Variants in LMTK2 observed in about 807,000 individuals in gnomAD.
LMTK2 encodes the protein lemur tail kinase 2, also known as serine/threonine-protein kinase LMTK2.
LMTK2 carries 37 observed loss-of-function variants against 127.5 expected under a neutral mutation model. The ratio of observed to expected loss-of-function variants is 0.29; its 90% confidence interval spans 0.22 to 0.38. The LOEUF (loss-of-function observed/expected upper bound fraction) is 0.38. LMTK2 is among the 10% of genes least tolerant of loss of function. The pLI is 1.00. For missense variants in LMTK2, 1,694 were observed against 1,920.3 expected (o/e 0.88, Z 2.20); for synonymous variants, 819 against 810.1 (o/e 1.01, Z -0.19).
chr7:98,159,739 G>A (rs965723896), intron 6 of LMTK2, among the ~76,000 whole-genome samples: 2 of 152,166 alleles, frequency 1.3e-5, no homozygotes, highest in African/African-American at 4.8e-5. Flanking sequence ...GATCAAGTGT[G>A]TAGCACAGCC....
intron 2 of LMTK2, among the ~76,000 whole-genome samples, chr7:98,140,454 A>T (rs1361315862): frequency 6.6e-6 from 1 of 152,058 alleles, no homozygotes; most frequent in Non-Finnish European, 1.5e-5. Context: ...GCCTGCCTGC[A>T]TCCTCAGTTG....
intron 1 of LMTK2, among the ~76,000 whole-genome samples, chr7:98,114,876 G>A (rs1002715375): frequency 2.0e-5 from 3 of 151,902 alleles, no homozygotes; most frequent in African/African-American, 7.3e-5. Flanking sequence ...CCTCTTTGCG[G>A]ACCCACCTTC....
At chr7:98,158,645 T>C (rs1218258601) in intron 5 of LMTK2, among the ~76,000 whole-genome samples, 1 of 152,024 alleles carries the variant, frequency 6.6e-6, no homozygotes, top group Non-Finnish European at 1.5e-5. Flanking sequence ...TATAACAGTT[T>C]TTTACATAGC....
chr7:98,117,851 C>T (rs1796308973), intron 1 of LMTK2, among the ~76,000 whole-genome samples: 2 of 152,090 alleles, frequency 1.3e-5, no homozygotes, highest in African/African-American at 2.4e-5. Flanking sequence ...CCTGTAATCC[C>T]AGCTACTCGG....
chr7:98,193,531 G>GC lies in LMTK2; in HGVS notation c.3072dup (p.Asp1025ArgfsTer2), dbSNP rs771256120. Reference sequence around the variant, plus strand: ...GATCTCACACTCCCCAGAAACTAGTGCCCCCCGATAAGCCGGCAGACAGTG... The same window carrying GC: ...GATCTCACACTCCCCAGAAACTAGTGCCCCCCCGATAAGCCGGCAGACAGTG... On this transcript the variant is annotated frameshift_variant, in exon 11 of 14. Coordinates refer to ENST00000297293, the MANE Select transcript of LMTK2 (RefSeq NM_014916.4). LOFTEE classifies it high-confidence loss of function. The surrounding 1 kb of genome is among the most constrained non-coding windows in gnomAD (Gnocchi z 4.1). The GC allele has an allele frequency of 6.2e-7, 1 of 1,614,098 alleles. No homozygotes were observed.
intron 11 of LMTK2, among the ~76,000 whole-genome samples, chr7:98,196,610 C>T (rs140247306): frequency 5.9e-5 from 9 of 152,286 alleles, no homozygotes; most frequent in Admixed American, 3.9e-4. Flanking sequence ...GTGAGAGGGA[C>T]GCAGTCCCAG....
intron 1 of LMTK2, among the ~76,000 whole-genome samples, chr7:98,131,303 AAAT>A (rs1460381114): frequency 6.6e-6 from 1 of 152,246 alleles, no homozygotes; most frequent in Non-Finnish European, 1.5e-5. Flanking sequence ...ATCATGATTC[AAAT>A]AACATCCATA....
chr7:98,140,518 G>A (rs1796680735), intron 2 of LMTK2, among the ~76,000 whole-genome samples: 1 of 151,972 alleles, frequency 6.6e-6, no homozygotes, highest in Non-Finnish European at 1.5e-5. Flanking sequence ...TTACACTTAT[G>A]CGTCACATGG....
At chr7:98,179,045 GCTTC>G (rs1797313729) in intron 7 of LMTK2, among the ~76,000 whole-genome samples, 1 of 152,204 alleles carries the variant, frequency 6.6e-6, no homozygotes, top group Non-Finnish European at 1.5e-5. Context: ...GCCACTGTTT[GCTTC>G]CTCACCACCT....
intron 2 of LMTK2, 139 bp from the exon 3 acceptor site, chr7:98,141,258 T>C (rs1796694326): frequency 1.4e-6 from 1 of 721,786 alleles, no homozygotes; most frequent in African/African-American, 1.8e-5. Context: ...GAGAACAAAA[T>C]TACATATGCT....
intron 5 of LMTK2, among the ~76,000 whole-genome samples, chr7:98,158,704 G>A (rs963087578): frequency 6.6e-6 from 1 of 152,066 alleles, no homozygotes; most frequent in African/African-American, 2.4e-5. Context: ...TATTTATATG[G>A]GCGGATGTGC....
intron 11 of LMTK2, among the ~76,000 whole-genome samples, chr7:98,200,344 A>C (rs1562924242): frequency 6.6e-6 from 1 of 152,200 alleles, no homozygotes; most frequent in Non-Finnish European, 1.5e-5. Context: ...ATTCTAAGAA[A>C]CTCAAGAGGA....
chr7:98,192,720 C>T lies in LMTK2; in HGVS notation c.2255C>T (p.Ala752Val). The change falls in exon 11 of 14, where the codon GCT (alanine) becomes GTT (valine). Residue 752 changes from alanine (A) to valine (V), a missense_variant. Around this residue, in one of 8 missense-constraint regions of LMTK2, gnomAD observed 527 missense variants for 539.8 expected, o/e 0.98. Transcript: ENST00000297293. ...GATCTTCAGACAGAACTTAAGAATG[C>T]TGGTTTTACTGAAGCTATGTTAGAA... ...INDLQTELKN[A>V]GFTEAMLETS... is the part of the protein sequence containing the mutation. 1 of 1,612,156 alleles carries T rather than the reference C, an allele frequency of 6.2e-7. No individual in the cohort carries two copies.
At chr7:98,117,417 A>G (rs1207744733) in intron 1 of LMTK2, among the ~76,000 whole-genome samples, 2 of 152,002 alleles carry the variant, frequency 1.3e-5, no homozygotes, top group East Asian at 3.9e-4. Flanking sequence ...ATGCATGGAT[A>G]TTTATTTTAT....
intron 3 of LMTK2, among the ~76,000 whole-genome samples, chr7:98,145,948 C>A (rs537774692): frequency 6.6e-6 from 1 of 152,116 alleles, no homozygotes; most frequent in Non-Finnish European, 1.5e-5. Flanking sequence ...ATAGTTTTAG[C>A]TCTTGCTCCT....
At chr7:98,173,995 G>A (rs1797236234) in intron 7 of LMTK2, among the ~76,000 whole-genome samples, 1 of 151,738 alleles carries the variant, frequency 6.6e-6, no homozygotes, top group Admixed American at 6.6e-5. Flanking sequence ...GGTGGAGCTT[G>A]CAGTGAGCCG....
intron 1 of LMTK2, among the ~76,000 whole-genome samples, chr7:98,109,517 G>T (rs1291694332): frequency 2.0e-5 from 3 of 152,068 alleles, no homozygotes; most frequent in African/African-American, 7.2e-5. Context: ...GCCCAGGTGG[G>T]TGGATTGCTT....
chr7:98,167,624 G>A (rs988630218), intron 6 of LMTK2, among the ~76,000 whole-genome samples: 2 of 152,224 alleles, frequency 1.3e-5, no homozygotes, highest in African/African-American at 4.8e-5. Flanking sequence ...CTTGGAAAAC[G>A]GCGATGCCAC....
intron 1 of LMTK2, among the ~76,000 whole-genome samples, chr7:98,118,507 T>C (rs1185615843): frequency 6.6e-6 from 1 of 152,230 alleles, no homozygotes; most frequent in African/African-American, 2.4e-5. Context: ...TTGATCTGTT[T>C]ACTGAGCTTT....
Sources: gnomAD v4.1 joint callset for allele counts (sites outside exome capture counted in the v4.1 genomes callset) on GRCh38, gnomAD v4.1.1 for gene constraint, gnomAD v4.1.1 regional missense constraint, Gnocchi (gnomAD v3.1) non-coding constraint, MANE v1.5 for transcripts, NCBI Gene and HGNC (gene_info 2026-07-23, HGNC 2026-07-21) for gene names.